The following EPAS1 variants were observed in gnomAD, a reference collection of about 807,000 sequenced individuals.
EPAS1 encodes endothelial PAS domain-containing protein 1.
Under a neutral mutation model 87.9 loss-of-function variants are expected in EPAS1, and 23 were observed. The ratio of observed to expected loss-of-function variants is 0.26; its 90% CI spans 0.19 to 0.37. The LOEUF (loss-of-function observed/expected upper bound fraction) is 0.37. EPAS1 is among the 10% of genes least tolerant of loss of function. The probability of loss-of-function intolerance (pLI) is 1.00; values close to 1 mark genes in which losing one functional copy is unlikely to be tolerated. For missense variants in EPAS1, 1,138 were observed against 1,120.7 expected (o/e 1.02, Z -0.22); for synonymous variants, 508 against 444.3 (o/e 1.14, Z -1.80).
chr2:46,314,094 T>C lies in EPAS1; in HGVS notation c.26+16157T>C, dbSNP rs556260333. ...AAACCAGAGAGTGGCAGTGCCTACC[T>C]GAACAGCTCCCAGACCCAGACTCTT... On this transcript the variant is annotated intron_variant, in intron 1 of 15. Coordinates refer to ENST00000263734, the MANE Select transcript of EPAS1 (RefSeq NM_001430.5). Among the ~76,000 whole-genome samples, 15 of 152,354 alleles carry C rather than the reference T, an allele frequency of 9.8e-5. 1 individual carries two copies. Among genetic ancestry groups the C allele is most frequent in the African/African-American group, 3.4e-4 (14 of 41,588 alleles).
At chr2:46,368,568 G>C (rs1324785909) in intron 6 of EPAS1, among the ~76,000 whole-genome samples, 2 of 152,176 alleles carry the variant, frequency 1.3e-5, no homozygotes, top group African/African-American at 4.8e-5. Flanking sequence ...AATTTGGTCT[G>C]ACAGATGTAT....
chr2:46,380,621 C>A lies in EPAS1; in HGVS notation c.1949C>A (p.Thr650Lys). ...PPDPPLHFGP[T>K]KWAVGDQRTE... ...GATCCACCATTACATTTTGGGCCCA[C>A]AAAGTGGGCCGTCGGGGATCAGCGC... is the stretch of plus-strand genomic sequence containing the variant. The change falls in exon 12 of 16, where the codon ACA (threonine) becomes AAA (lysine). Residue 650 changes from threonine (T) to lysine (K), a missense_variant. Thr to Lys is a moderately conservative substitution (Grantham distance 78). Transcript: ENST00000263734. The surrounding 1 kb of genome is among the most constrained non-coding windows in gnomAD (Gnocchi z 4.4). 1 of 1,614,070 alleles carries A rather than the reference C, an allele frequency of 6.2e-7. No homozygotes were observed. The highest frequency in any genetic ancestry group is 8.5e-7 in the Non-Finnish European group (1 of 1,179,996).
Position 46,377,895 on chromosome 2 carries a change from G to A in EPAS1, c.1251G>A (p.Gly417=), listed in dbSNP as rs1431780199. The part of the protein sequence containing the change: ...PGDAIISLDF[G]NQNFEESSAY... ...CCTCCCAGGCCCTTGTCTCCACAGG[G>A]AATCAGAACTTCGAGGAGTCCTCAG... Residue 417 remains glycine, a splice_region_variant and synonymous_variant, in exon 10 of 16, where the codon GGG becomes GGA. Coordinates refer to ENST00000263734, the MANE Select transcript of EPAS1 (RefSeq NM_001430.5). 4 of 1,552,246 alleles carry A rather than the reference G, an allele frequency of 2.6e-6. No individual in the cohort carries two copies. Among genetic ancestry groups the A allele is most frequent in the South Asian group, 2.4e-5 (2 of 84,096 alleles).
intron 15 of EPAS1, 91 bp from the exon 16 acceptor site, chr2:46,384,418 C>A: frequency 6.4e-7 from 1 of 1,565,374 alleles, no homozygotes; most frequent in Non-Finnish European, 8.8e-7. Flanking sequence ...ATTAGGGCTG[C>A]TCTATTGGTA....
At chr2:46,331,281 C>T (rs1327741656) in intron 1 of EPAS1, among the ~76,000 whole-genome samples, 1 of 152,212 alleles carries the variant, frequency 6.6e-6, no homozygotes, top group Non-Finnish European at 1.5e-5. Context: ...AGGGATCTGT[C>T]TTCCCTTCTC....
chr2:46,337,011 C>T (rs535118169), intron 1 of EPAS1, among the ~76,000 whole-genome samples: 2 of 152,310 alleles, frequency 1.3e-5, no homozygotes, highest in East Asian at 1.9e-4. Context: ...AGATGGAAAC[C>T]GTCTATTCTA....
At chr2:46,301,489 A>C (rs570606009) in intron 1 of EPAS1, among the ~76,000 whole-genome samples, 1 of 151,696 alleles carries the variant, frequency 6.6e-6, no homozygotes, top group East Asian at 1.9e-4. Context: ...AGGCAGGAGA[A>C]TTGCTTGAAC....
intron 1 of EPAS1, among the ~76,000 whole-genome samples, chr2:46,341,306 G>C (rs1488649232): frequency 6.6e-6 from 1 of 152,182 alleles, no homozygotes; most frequent in Non-Finnish European, 1.5e-5. Context: ...TAACGGGGTG[G>C]GTAAACTGGA....
chr2:46,369,770 G>A (rs1684588226), intron 6 of EPAS1, 57 bp from the exon 7 acceptor site: 4 of 1,310,818 alleles, frequency 3.1e-6, no homozygotes, highest in Non-Finnish European at 2.2e-6. Context: ...CTGCCCACAT[G>A]CTGTGCTAAG....
intron 8 of EPAS1, 149 bp from the exon 9 acceptor site, chr2:46,376,390 T>C: frequency 5.2e-6 from 4 of 773,196 alleles, no homozygotes; most frequent in Admixed American, 3.6e-5. Flanking sequence ...CACACACTTC[T>C]ATTGTATGGT....
chr2:46,370,690 G>A (rs1351420343), intron 7 of EPAS1, among the ~76,000 whole-genome samples: 3 of 152,246 alleles, frequency 2.0e-5, no homozygotes, highest in Non-Finnish European at 2.9e-5. Context: ...TTTATACAAT[G>A]TAGTTTTAAT....
chr2:46,382,756 C>A (rs550151325), intron 15 of EPAS1, among the ~76,000 whole-genome samples, 158 bp downstream of exon 15: 47 of 152,302 alleles, frequency 3.1e-4, no homozygotes, highest in African/African-American at 1.0e-3. Flanking sequence ...ATTTAGGGAA[C>A]CTCCTCACAA....
intron 1 of EPAS1, among the ~76,000 whole-genome samples, chr2:46,335,348 A>G (rs1007316408): frequency 6.6e-6 from 1 of 152,068 alleles, no homozygotes; most frequent in Non-Finnish European, 1.5e-5. Flanking sequence ...CATATTCTGT[A>G]CTTGAAAAGA....
At chr2:46,333,057 T>C (rs1372931332) in intron 1 of EPAS1, among the ~76,000 whole-genome samples, 1 of 152,198 alleles carries the variant, frequency 6.6e-6, no homozygotes, top group East Asian at 1.9e-4. Flanking sequence ...GAAAACATCC[T>C]TAGTATACAG....
In EPAS1 at chr2:46,380,020, G is replaced by A. The variant is rs1048195524; in HGVS notation, c.1555-207G>A. 4.8e-5 allele frequency: 36 copies of A among 742,932 alleles called. 1 individual carries two copies. The Admixed American group carries it at 7.1e-4, about 15-fold the overall frequency. 46.0% of individuals were successfully genotyped at this position (742,932 alleles called of 1,614,324 possible). A position where few individuals can be genotyped will look rare whatever the true frequency, so the allele number is the denominator to read the frequency against. On this transcript the variant is annotated intron_variant, in intron 11 of 15. Coordinates refer to ENST00000263734, the MANE Select transcript of EPAS1 (RefSeq NM_001430.5). The surrounding 1 kb of genome is among the most constrained non-coding windows in gnomAD (Gnocchi z 4.4). ...AGGGTGAAGAGGGGATAAACATGGG[G>A]GAAGGCTGGTACATGATACAAGGTC...
rs1192973878 is a variant in EPAS1 at position 46,384,923 on chromosome 2, A to G, written c.*263A>G. On this transcript the variant is annotated 3_prime_UTR_variant, in exon 16 of 16. Transcript: ENST00000263734. The stretch of plus-strand genomic sequence containing the variant: ...AGGATTTTTTTCCTCCCCACCTTCA[A>G]TGACTTCTAATTTATATTATCCATA... The G allele has an allele frequency of 2.0e-6, 1 of 500,326 alleles. No individual in the cohort carries two copies. Among genetic ancestry groups the G allele is most frequent in the Non-Finnish European group, 3.6e-6 (1 of 274,670 alleles). 31.0% of individuals were successfully genotyped at this position (500,326 alleles called of 1,614,324 possible).
intron 1 of EPAS1, among the ~76,000 whole-genome samples, chr2:46,329,684 C>T (rs13420272): frequency 0.16 from 24,217 of 151,690 alleles, 3,173 homozygotes; most frequent in African/African-American, 0.35. Flanking sequence ...TAGCCAGGTG[C>T]AGTGGTGGGC....
At chr2:46,356,067 TC>T in intron 2 of EPAS1, 83 bp from the exon 3 acceptor site, 1 of 1,453,888 alleles carries the variant, frequency 6.9e-7, no homozygotes, top group Non-Finnish European at 9.6e-7. Context: ...CTTTGCACCA[TC>T]CCTGGCAAAT....
At chr2:46,376,818 T>C (rs1256190568) in intron 9 of EPAS1, 65 bp downstream of exon 9, 1 of 1,537,186 alleles carries the variant, frequency 6.5e-7, no homozygotes, top group Admixed American at 1.7e-5. Flanking sequence ...GTTCTTACTA[T>C]AACAGGCCTC....
Sources: allele counts gnomAD v4.1 joint callset (sites outside exome capture counted in the v4.1 genomes callset), GRCh38; gene constraint gnomAD v4.1.1; non-coding constraint Gnocchi (gnomAD v3.1); transcripts MANE v1.5; gene names NCBI Gene and HGNC (gene_info 2026-07-23, HGNC 2026-07-21).